Variants in MUCL1 observed in about 807,000 individuals in gnomAD.
MUCL1 encodes mucin like 1.
MUCL1 carries 11 observed loss-of-function variants against 9.2 expected under a neutral mutation model. That is an observed-to-expected ratio of 1.19 (90% CI 0.75 to 1.97). The LOEUF (loss-of-function observed/expected upper bound fraction) is 1.97, where lower values mean the gene tolerates loss of function less well. Ranked by LOEUF, MUCL1 falls within the 30% of genes most tolerant of loss-of-function variation. The pLI is 0.00. For synonymous variants in MUCL1, 48 were observed against 40.5 expected (o/e 1.19, Z -0.71); for missense variants, 144 against 110.9 (o/e 1.30, Z -1.34).
chr12:54,839,168 G>T (rs981515379), upstream of MUCL1, among the ~76,000 whole-genome samples: 25 of 151,918 alleles, frequency 1.6e-4, no homozygotes, highest in African/African-American at 5.8e-4. Context: ...TTGGCTCTGG[G>T]TGCTTTCAAA....
At chr12:54,857,744 A>G (rs533782198) in intron 3 of MUCL1, among the ~76,000 whole-genome samples, 5 of 152,292 alleles carry the variant, frequency 3.3e-5, no homozygotes, top group African/African-American at 1.2e-4. Context: ...GGGCAGAAAG[A>G]AAAAGGATTC....
chr12:54,831,385 G>C lies in MUCL1; in HGVS notation n.357+510G>C, dbSNP rs972261472. Among the ~76,000 whole-genome samples the C allele has an allele frequency of 7.9e-5, 12 of 152,154 alleles. No homozygotes were observed. The South Asian group carries it at 2.1e-3, about 26-fold the overall frequency. On this transcript the variant is annotated intron_variant and non_coding_transcript_variant, in intron 1 of 3. Transcript: ENST00000547990. ...GGTAAGTTTTTGGTAAATAAGATTAGTTTAATATTGTTAGTTTAGTAAAAA... is the reference window on the plus strand; with the variant it reads ...GGTAAGTTTTTGGTAAATAAGATTACTTTAATATTGTTAGTTTAGTAAAAA...
At chr12:54,833,962 A>T (rs1055882389) in intron 1 of MUCL1, among the ~76,000 whole-genome samples, 11 of 126,224 alleles carry the variant, frequency 8.7e-5, no homozygotes, top group African/African-American at 2.9e-4. Flanking sequence ...CCTAAAACTT[A>T]AAGTATAATA....
In MUCL1 at chr12:54,848,836, C is replaced by CTT. The variant is rs1244982633; in HGVS notation, c.44-6278_44-6277dup. ...TCTTGTTATTTTAATTTTTAGAACT[C>CTT]TTTGAGAAAGCTGTTGGTAATACAT... is the stretch of plus-strand genomic sequence containing the variant. On this transcript the variant is annotated intron_variant, in intron 1 of 3. Transcript: ENST00000546809. Among the ~76,000 whole-genome samples, 4 of 152,206 alleles carry CTT rather than the reference C, an allele frequency of 2.6e-5. No homozygotes were observed. The South Asian group carries it at 6.2e-4, about 24-fold the overall frequency.
rs1209083348 is a variant in MUCL1, at chr12:54,857,505, G to C, written c.223+613G>C. Among the ~76,000 whole-genome samples the C allele has an allele frequency of 3.3e-5, 5 of 151,920 alleles. No individual in the cohort carries two copies. The South Asian group carries it at 8.3e-4, about 25-fold the overall frequency. ...TGACCTTTAACTTTCACATAGTATT[G>C]ATTACAACATTTATTCAATCGGAAC... On this transcript the variant is annotated intron_variant, in intron 3 of 3. Coordinates refer to ENST00000308796, the MANE Select transcript of MUCL1 (RefSeq NM_058173.3).
intron 1 of MUCL1, among the ~76,000 whole-genome samples, chr12:54,841,765 A>T (rs910318696): frequency 1.3e-5 from 2 of 152,048 alleles, no homozygotes; most frequent in African/African-American, 2.4e-5. Flanking sequence ...CTTAAGTTTC[A>T]TTTCATTTTG....
At chr12:54,840,899 G>A (rs955596668) in intron 1 of MUCL1, among the ~76,000 whole-genome samples, 1 of 152,188 alleles carries the variant, frequency 6.6e-6, no homozygotes, top group Non-Finnish European at 1.5e-5. Flanking sequence ...CAAGCTTCCA[G>A]GTAGTCTGTG....
upstream of MUCL1, among the ~76,000 whole-genome samples, chr12:54,851,353 C>T (rs1038142970): frequency 6.6e-6 from 1 of 152,106 alleles, no homozygotes; most frequent in African/African-American, 2.4e-5. Flanking sequence ...GGCTGGTTAA[C>T]ATATGCAAAT....
intron 1 of MUCL1, among the ~76,000 whole-genome samples, chr12:54,846,197 G>A (rs112099274): frequency 1.1e-3 from 164 of 152,260 alleles, no homozygotes; most frequent in Admixed American, 2.0e-3. Flanking sequence ...AACACAAGCC[G>A]TCTGCAGATG....
rs748761979 is a variant in MUCL1, at chr12:54,856,859, G to A, written c.190G>A (p.Ala64Thr). Residue 64 changes from alanine (A) to threonine (T), a missense_variant, in exon 3 of 4, where the codon GCT becomes ACT. Physicochemically the swap from Ala to Thr is moderately conservative, Grantham distance 58. Transcript: ENST00000308796. Reference protein sequence around the residue: ...TTAAPTTATTAASTTARKDIP... With the variant: ...TTAAPTTATTTASTTARKDIP... ...TGCTGCTCCTACCACTGCAACCACC[G>A]CTGCTTCTACCACTGCTCGTAAAGA... 21 of 1,612,990 alleles carry A rather than the reference G, an allele frequency of 1.3e-5. No individual in the cohort carries two copies. The highest frequency in any genetic ancestry group is 5.3e-5 in the African/African-American group (4 of 74,804).
At chr12:54,849,423 A>G (rs1193377119) in intron 1 of MUCL1, among the ~76,000 whole-genome samples, 1 of 152,106 alleles carries the variant, frequency 6.6e-6, no homozygotes. Flanking sequence ...AGAGACTTTT[A>G]CTTTCTTATG....
At chr12:54,835,752 T>A (rs1042944935), upstream of MUCL1, among the ~76,000 whole-genome samples, 1 of 152,158 alleles carries the variant, frequency 6.6e-6, no homozygotes, top group Non-Finnish European at 1.5e-5. Flanking sequence ...GTATGTTCTT[T>A]CTATGTCTAG....
At chr12:54,856,540 A>G (rs1868300865) in intron 2 of MUCL1, among the ~76,000 whole-genome samples, 1 of 152,174 alleles carries the variant, frequency 6.6e-6, no homozygotes, top group South Asian at 2.1e-4. Context: ...CTCTTTAATC[A>G]GTGTCATTGC....
chr12:54,833,279 A>G (rs1959187790), intron 1 of MUCL1, among the ~76,000 whole-genome samples: 1 of 152,052 alleles, frequency 6.6e-6, no homozygotes, highest in Admixed American at 6.6e-5. Flanking sequence ...ATATGAGGAG[A>G]ACTGGAATTT....
exon 1 of MUCL1, chr12:54,830,871 C>G (rs752101086): frequency 9.2e-5 from 14 of 152,304 alleles, no homozygotes; most frequent in Non-Finnish European, 2.1e-4. Context: ...GTTTTGTACA[C>G]TCAGGTGAGT....
At chr12:54,841,401 T>C (rs1195581284) in intron 1 of MUCL1, among the ~76,000 whole-genome samples, 1 of 152,170 alleles carries the variant, frequency 6.6e-6, no homozygotes, top group East Asian at 1.9e-4. Context: ...TTTTTTTAAG[T>C]TTTTGAGAAA....
intron 1 of MUCL1, among the ~76,000 whole-genome samples, chr12:54,841,606 C>A (rs73324435): frequency 0.044 from 6,714 of 152,154 alleles, 175 homozygotes; most frequent in Middle Eastern, 0.11. Flanking sequence ...TGTTGAACAC[C>A]TTTTCAAATC....
intron 1 of MUCL1, among the ~76,000 whole-genome samples, chr12:54,845,742 C>T (rs1343054891): frequency 4.6e-5 from 7 of 152,082 alleles, no homozygotes; most frequent in Admixed American, 4.6e-4. Flanking sequence ...ACTGGTTCTG[C>T]TGTTATAATT....
upstream of MUCL1, among the ~76,000 whole-genome samples, chr12:54,837,776 A>G (rs1024827999): frequency 6.6e-6 from 1 of 151,598 alleles, no homozygotes; most frequent in African/African-American, 2.4e-5. Context: ...CTCCAAAAAA[A>G]CAAAAACAAA....
Sources: gnomAD v4.1 joint callset for allele counts (sites outside exome capture counted in the v4.1 genomes callset) on GRCh38, gnomAD v4.1.1 for gene constraint, MANE v1.5 for transcripts, NCBI Gene and HGNC (gene_info 2026-07-23, HGNC 2026-07-21) for gene names.